Variants in CNTNAP2 observed in about 807,000 individuals in gnomAD.
CNTNAP2 encodes contactin-associated protein-like 2.
CNTNAP2 carries 98 observed loss-of-function variants against 155.2 expected under a neutral mutation model. That is an observed-to-expected ratio of 0.63 (90% CI 0.54 to 0.75). CNTNAP2 has a LOEUF of 0.75. Ranked by LOEUF, CNTNAP2 falls within the 30% of genes least tolerant of loss-of-function variation. CNTNAP2 has a pLI of 0.00. For synonymous variants in CNTNAP2, 651 were observed against 631.2 expected (o/e 1.03, Z -0.47); for missense variants, 1,727 against 1,688.1 (o/e 1.02, Z -0.40).
At chr7:146,688,664 T>G (rs1338465011) in intron 1 of CNTNAP2, among the ~76,000 whole-genome samples, 1 of 152,130 alleles carries the variant, frequency 6.6e-6, no homozygotes, top group Non-Finnish European at 1.5e-5. Flanking sequence ...GAACTGGCTA[T>G]TTTTCACTTT....
At chr7:146,612,202 GT>G (rs1413071561) in intron 1 of CNTNAP2, among the ~76,000 whole-genome samples, 1 of 147,510 alleles carries the variant, frequency 6.8e-6, no homozygotes, top group African/African-American at 2.6e-5. Flanking sequence ...AATAAAAATA[GT>G]TATTACTGTT....
intron 8 of CNTNAP2, among the ~76,000 whole-genome samples, chr7:147,201,479 T>C (rs982678053): frequency 6.6e-6 from 1 of 152,150 alleles, no homozygotes; most frequent in Non-Finnish European, 1.5e-5. Context: ...GTTATTATAT[T>C]CTTTAGAAAT....
chr7:147,608,136 C>T (rs183904204), intron 12 of CNTNAP2, among the ~76,000 whole-genome samples: 27 of 151,382 alleles, frequency 1.8e-4, no homozygotes, highest in East Asian at 1.6e-3. Context: ...CCCATGCTCA[C>T]GACTCTGCTT....
intron 20 of CNTNAP2, among the ~76,000 whole-genome samples, chr7:148,252,987 G>T (rs1459511766): frequency 1.3e-5 from 2 of 149,894 alleles, no homozygotes; most frequent in Non-Finnish European, 3.0e-5. Context: ...TCCTATGCCA[G>T]AATAACAGAG....
At chr7:148,001,967 G>A (rs1174468478) in intron 15 of CNTNAP2, among the ~76,000 whole-genome samples, 1 of 151,974 alleles carries the variant, frequency 6.6e-6, no homozygotes, top group Non-Finnish European at 1.5e-5. Flanking sequence ...TATCTTCTAT[G>A]TCTGTACATT....
At chr7:146,761,586 T>C (rs1360114159) in intron 1 of CNTNAP2, among the ~76,000 whole-genome samples, 1 of 152,162 alleles carries the variant, frequency 6.6e-6, no homozygotes, top group African/African-American at 2.4e-5. Context: ...ATTTACACTT[T>C]ATTGTGATAT....
chr7:146,676,298 G>A (rs1237469324), intron 1 of CNTNAP2, among the ~76,000 whole-genome samples: 2 of 152,096 alleles, frequency 1.3e-5, no homozygotes, highest in African/African-American at 2.4e-5. Context: ...TGTTTCTCAT[G>A]TTAGACATTG....
intron 16 of CNTNAP2, among the ~76,000 whole-genome samples, chr7:148,127,424 G>C (rs1482864644): frequency 6.6e-6 from 1 of 152,174 alleles, no homozygotes; most frequent in African/African-American, 2.4e-5. Context: ...TTTAACATAA[G>C]CTTCCATGTT....
At chr7:146,385,816 C>T (rs1006582016) in intron 1 of CNTNAP2, among the ~76,000 whole-genome samples, 6 of 152,202 alleles carry the variant, frequency 3.9e-5, no homozygotes, top group African/African-American at 1.4e-4. Flanking sequence ...GTTGTTAACT[C>T]TATCCTTCCC....
chr7:148,084,138 T>C (rs551447456), intron 15 of CNTNAP2, among the ~76,000 whole-genome samples: 2 of 152,372 alleles, frequency 1.3e-5, no homozygotes, highest in African/African-American at 4.8e-5. Flanking sequence ...CAGAGTTTGT[T>C]AATATGAATT....
At chr7:147,533,199 A>G (rs1348531138) in intron 11 of CNTNAP2, among the ~76,000 whole-genome samples, 2 of 152,210 alleles carry the variant, frequency 1.3e-5, no homozygotes, top group Non-Finnish European at 2.9e-5. Context: ...CTTAGAAAAA[A>G]CTAAAAGTTA....
chr7:147,401,986 T>C (rs1415556137), intron 10 of CNTNAP2, among the ~76,000 whole-genome samples: 1 of 152,226 alleles, frequency 6.6e-6, no homozygotes, highest in Non-Finnish European at 1.5e-5. Context: ...GGCTTAAATT[T>C]TGCGTTCATA....
intron 1 of CNTNAP2, among the ~76,000 whole-genome samples, chr7:146,296,128 G>A (rs2129087452): frequency 6.6e-6 from 1 of 152,252 alleles, no homozygotes; most frequent in Non-Finnish European, 1.5e-5. Flanking sequence ...GATCTCTGAT[G>A]TTGGAATCAC....
intron 18 of CNTNAP2, among the ~76,000 whole-genome samples, chr7:148,184,865 G>T (rs1795092236): frequency 6.6e-6 from 1 of 152,144 alleles, no homozygotes; most frequent in South Asian, 2.1e-4. Flanking sequence ...TATTCACAAG[G>T]CTGTGAGGAT....
intron 1 of CNTNAP2, among the ~76,000 whole-genome samples, chr7:146,188,808 C>G (rs1422158744): frequency 6.6e-6 from 1 of 152,168 alleles, no homozygotes; most frequent in African/African-American, 2.4e-5. Context: ...ATTGAACTTG[C>G]ATCTGGCAGA....
intron 4 of CNTNAP2, among the ~76,000 whole-genome samples, chr7:147,089,808 C>G (rs1444868244): frequency 2.6e-5 from 4 of 152,022 alleles, no homozygotes; most frequent in Non-Finnish European, 2.9e-5. Flanking sequence ...CTGATGTGGA[C>G]AGAATTACAG....
rs188760081 is a variant in CNTNAP2, at chr7:146,914,681, T to A, written c.402+74777T>A. Among the ~76,000 whole-genome samples the A allele has an allele frequency of 3.9e-3, 593 of 152,274 alleles. 7 individuals are homozygous for A. The highest frequency in any genetic ancestry group is 0.013 in the African/African-American group (545 of 41,578). ...CTAGTTGATTTGTTTCAGTTCCTTG[T>A]AGATTCTGGATATTAGTTCTTTGTC... On this transcript the variant is annotated intron_variant, in intron 3 of 23. Coordinates refer to ENST00000361727, the MANE Select transcript of CNTNAP2 (RefSeq NM_014141.6).
intron 15 of CNTNAP2, among the ~76,000 whole-genome samples, chr7:148,053,435 A>G (rs1239415519): frequency 1.3e-5 from 2 of 152,162 alleles, no homozygotes; most frequent in Admixed American, 6.5e-5. Flanking sequence ...CTAGAAATTA[A>G]TGTTTTATAA....
chr7:148,149,032 C>T (rs1805247951), intron 17 of CNTNAP2, among the ~76,000 whole-genome samples: 1 of 129,762 alleles, frequency 7.7e-6, no homozygotes, highest in Non-Finnish European at 1.7e-5. Context: ...ACTTCATCAA[C>T]ATGTGTGGCC....
Sources: gnomAD v4.1 joint callset for allele counts (sites outside exome capture counted in the v4.1 genomes callset) on GRCh38, gnomAD v4.1.1 for gene constraint, MANE v1.5 for transcripts, NCBI Gene and HGNC (gene_info 2026-07-23, HGNC 2026-07-21) for gene names.